GNB4: variants seen among roughly 807,000 people sequenced by gnomAD.
GNB4 encodes guanine nucleotide-binding protein subunit beta-4.
Under a neutral mutation model 45.2 loss-of-function variants are expected in GNB4, and 28 were observed. The ratio of observed to expected loss-of-function variants is 0.62; its 90% CI spans 0.46 to 0.85. The LOEUF is 0.85. Ranked by LOEUF, GNB4 falls within the 40% of genes least tolerant of loss-of-function variation. The pLI is 0.00. For missense variants in GNB4, 321 were observed against 425.4 expected (o/e 0.75, Z 2.16); for synonymous variants, 132 against 143.7 (o/e 0.92, Z 0.58).
At position 179,401,877 on chromosome 3, in the gene GNB4, C is replaced by T. The variant is rs192551570; in HGVS notation, c.917-558G>A. Among the ~76,000 whole-genome samples, 4 of 152,306 alleles carry T rather than the reference C, an allele frequency of 2.6e-5. No individual in the cohort carries two copies. The East Asian group carries it at 7.7e-4, about 29-fold the overall frequency. The stretch of plus-strand genomic sequence containing the variant: ...GTTATAACTTTCTGAAACCATGAAA[C>T]TCATCTAGTTTTCATTTCTTTCACA... On this transcript the variant is annotated intron_variant, in intron 9 of 9. Transcript: ENST00000232564.
chr3:179,518,315 C>G, the GNB4 span, among the ~76,000 whole-genome samples: 1 of 152,140 alleles, frequency 6.6e-6, no homozygotes, highest in Non-Finnish European at 1.5e-5. Context: ...AATGGACAAA[C>G]AGTCTGAGGT....
At chr3:179,495,208 C>T in the GNB4 span, among the ~76,000 whole-genome samples, 13 of 151,890 alleles carry the variant, frequency 8.6e-5, no homozygotes, top group Admixed American at 1.3e-4. Context: ...GGCAAGATAG[C>T]GAGACTCTGT....
chr3:179,527,324 G>T, the GNB4 span, among the ~76,000 whole-genome samples: 1 of 152,224 alleles, frequency 6.6e-6, no homozygotes, highest in Non-Finnish European at 1.5e-5. Flanking sequence ...TGAAGCCAAA[G>T]TTGGGAGATG....
chr3:179,498,416 ATAGT>A, the GNB4 span, among the ~76,000 whole-genome samples: 1 of 152,072 alleles, frequency 6.6e-6, no homozygotes, highest in Non-Finnish European at 1.5e-5. Flanking sequence ...CTGGGCAAAA[ATAGT>A]TGGTTGAGTT....
the GNB4 span, among the ~76,000 whole-genome samples, chr3:179,507,232 C>T: frequency 6.6e-6 from 1 of 152,176 alleles, no homozygotes. Flanking sequence ...CTTGCCTCTG[C>T]TTTTTTCTTC....
At chr3:179,417,073 G>GA (rs1714820274) in intron 4 of GNB4, among the ~76,000 whole-genome samples, 2 of 152,304 alleles carry the variant, frequency 1.3e-5, no homozygotes, top group Admixed American at 1.3e-4. Flanking sequence ...AAAACTGTCA[G>GA]AAGAGGGGTA....
At position 179,425,730 on chromosome 3, in the gene GNB4, C is replaced by G. The variant is rs548894331; in HGVS notation, c.57+414G>C. Reference sequence around the variant, plus strand: ...AGGTGATCCACCTGCCTCAGCCTCCCAAAGTGCTGGGATTACAGGCATGAG... The same window carrying G: ...AGGTGATCCACCTGCCTCAGCCTCCGAAAGTGCTGGGATTACAGGCATGAG... On this transcript the variant is annotated intron_variant, in intron 2 of 9. Coordinates refer to ENST00000232564, the MANE Select transcript of GNB4 (RefSeq NM_021629.4). Among the ~76,000 whole-genome samples, 4 of 152,218 alleles carry G rather than the reference C, an allele frequency of 2.6e-5. No individual in the cohort carries two copies. In the East Asian group the frequency reaches 7.7e-4, roughly 29 times the overall value.
rs1158706179 is a variant in GNB4 at position 179,399,072 on chromosome 3, A to G, written c.*2141T>C. On this transcript the variant is annotated 3_prime_UTR_variant, in exon 10 of 10. Transcript: ENST00000232564. ...AATTGCTTTCTTCTGACTAACCTAC[A>G]TGGCAAACTTTCCCCAACCCTCTTT... 1 of 152,168 alleles carries G rather than the reference A, an allele frequency of 6.6e-6. No individual in the cohort carries two copies. The highest frequency in any genetic ancestry group is 2.4e-5 in the African/African-American group (1 of 41,436). 9.4% of individuals were successfully genotyped at this position (152,168 alleles called of 1,614,324 possible).
In GNB4 at chr3:179,399,670, A is replaced by G. The variant is rs1319576209; in HGVS notation, c.*1543T>C. 6.6e-6 allele frequency: 1 copy of G among 152,264 alleles called. No individual in the cohort carries two copies. The highest frequency in any genetic ancestry group is 1.5e-5 in the Non-Finnish European group (1 of 68,046). The allele number at this position is 152,264 out of a possible 1,614,324, so 9.4% of individuals were successfully genotyped here. ...CATCTTTACAGTTGATGCACATATT[A>G]GCACATTCACAACATAAAAACAAAA... On this transcript the variant is annotated 3_prime_UTR_variant, in exon 10 of 10. Transcript: ENST00000232564.
At position 179,396,912 on chromosome 3, in the gene GNB4, T is replaced by G. The variant is rs1257997853; in HGVS notation, c.*4301A>C. ...TAGTAAATCTGAAATGTACTTCACA[T>G]TCTACTTAATCTAATTTAAAATATA... is the stretch of plus-strand genomic sequence containing the variant. On this transcript the variant is annotated 3_prime_UTR_variant, in exon 10 of 10. Coordinates refer to ENST00000232564, the MANE Select transcript of GNB4 (RefSeq NM_021629.4). 1.3e-5 allele frequency: 2 copies of G among 152,186 alleles called. No individual in the cohort carries two copies. The highest frequency in any genetic ancestry group is 4.1e-4 in the South Asian group (2 of 4,830). The allele number at this position is 152,186 out of a possible 1,614,324, so 9.4% of individuals were successfully genotyped here.
chr3:179,414,894 C>T lies in GNB4; in HGVS notation c.421G>A (p.Gly141Ser). 1 of 1,583,506 alleles carries T rather than the reference C, an allele frequency of 6.3e-7. No individual in the cohort carries two copies. Among genetic ancestry groups the T allele is most frequent in the Non-Finnish European group, 8.6e-7 (1 of 1,158,220 alleles). ...GNVRVSRELPGHTGYLSCCRF... is the reference protein window; with the variant it reads ...GNVRVSRELPSHTGYLSCCRF... The stretch of plus-strand genomic sequence containing the variant: ...ATTTAGGGAAGCTCACCTGTGTGAC[C>T]TGGCAACTCTCGGCTTACTCTCACA... Residue 141 changes from glycine to serine, a missense_variant, in exon 6 of 10, where the codon GGT becomes AGT. Transcript: ENST00000232564.
the GNB4 span, among the ~76,000 whole-genome samples, chr3:179,513,189 A>ATTTTTT: frequency 1.6e-5 from 2 of 123,314 alleles, no homozygotes; most frequent in Non-Finnish European, 1.6e-5. Flanking sequence ...ATGTGCAGCA[A>ATTTTTT]TTTTTTTTTT....
chr3:179,484,156 C>A, the GNB4 span, among the ~76,000 whole-genome samples: 3 of 152,136 alleles, frequency 2.0e-5, no homozygotes, highest in Admixed American at 2.0e-4. Flanking sequence ...CAATAGTATT[C>A]TTCAATTAAT....
intron 3 of GNB4, among the ~76,000 whole-genome samples, chr3:179,420,207 C>A (rs1714936094): frequency 6.7e-6 from 1 of 149,666 alleles, no homozygotes; most frequent in Non-Finnish European, 1.5e-5. Flanking sequence ...CGGCTCATTG[C>A]AATATCTGCC....
At chr3:179,420,849 A>C in intron 3 of GNB4, 40 bp downstream of exon 3, 3 of 1,296,062 alleles carry the variant, frequency 2.3e-6, no homozygotes, top group Non-Finnish European at 3.3e-6. Context: ...AAATTATTTT[A>C]TGAGTTACCA....
the GNB4 span, among the ~76,000 whole-genome samples, chr3:179,519,308 G>C: frequency 1.3e-5 from 2 of 152,152 alleles, no homozygotes; most frequent in African/African-American, 4.8e-5. Flanking sequence ...CTCCATCCCA[G>C]ATCTTCTTGG....
At chr3:179,505,827 C>T in the GNB4 span, among the ~76,000 whole-genome samples, 1 of 152,194 alleles carries the variant, frequency 6.6e-6, no homozygotes, top group African/African-American at 2.4e-5. Flanking sequence ...ATCCTTCAAA[C>T]TACGTCCCAA....
At chr3:179,514,681 G>C in the GNB4 span, among the ~76,000 whole-genome samples, 1 of 152,178 alleles carries the variant, frequency 6.6e-6, no homozygotes, top group African/African-American at 2.4e-5. Context: ...ATTGGGCAAA[G>C]AAAAGCTTGT....
At chr3:179,487,373 G>A in the GNB4 span, among the ~76,000 whole-genome samples, 1 of 152,082 alleles carries the variant, frequency 6.6e-6, no homozygotes, top group Non-Finnish European at 1.5e-5. Flanking sequence ...GGTCATACAT[G>A]GTGAGAACTA....
Sources: allele counts gnomAD v4.1 joint callset (sites outside exome capture counted in the v4.1 genomes callset), GRCh38; gene constraint gnomAD v4.1.1; transcripts MANE v1.5; gene names NCBI Gene and HGNC (gene_info 2026-07-23, HGNC 2026-07-21).